ATXN7L2: variants seen among roughly 807,000 people sequenced by gnomAD.
The protein encoded by ATXN7L2 is ataxin 7 like 2, also known as ataxin-7-like protein 2.
Under a neutral mutation model 59.6 loss-of-function variants are expected in ATXN7L2, and 17 were observed. That is an observed-to-expected ratio of 0.29 (90% CI 0.20 to 0.43). ATXN7L2 has a LOEUF of 0.43. ATXN7L2 is among the 20% of genes least tolerant of loss of function. The pLI, the probability that ATXN7L2 is intolerant of heterozygous loss-of-function variation, is 1.00. For missense variants in ATXN7L2, 858 were observed against 1,008.9 expected (o/e 0.85, Z 2.03); for synonymous variants, 378 against 392.5 (o/e 0.96, Z 0.44).
rs1410689873 is a variant in ATXN7L2 at position 109,488,362 on chromosome 1, T to C, written c.797-21T>C. On this transcript the variant is annotated intron_variant, in intron 5 of 10. Coordinates refer to ENST00000683729, the MANE Select transcript of ATXN7L2 (RefSeq NM_001350175.2). This position sits in a 1 kb window ranked among gnomAD's most constrained non-coding sequence, Gnocchi z 5.0. The stretch of plus-strand genomic sequence containing the variant: ...CTCCTGGAAATGGTCTTGAGGTTCA[T>C]TGGAAGTGCTTTCCCCACAGGGAAG... The C allele has an allele frequency of 1.5e-5, 23 of 1,582,378 alleles. No homozygotes were observed. The highest frequency in any genetic ancestry group is 1.9e-5 in the Non-Finnish European group (22 of 1,159,954).
In ATXN7L2 at chr1:109,484,090, G is replaced by A. The variant is rs770128816; in HGVS notation, c.127+10G>A. On this transcript the variant is annotated intron_variant, in intron 1 of 10. Coordinates refer to ENST00000683729, the MANE Select transcript of ATXN7L2 (RefSeq NM_001350175.2). ...CTGCCCGCGGCTGACGGTGAGTAAA[G>A]CCACCCTAAAGTCCGGGGACCCCAT... The A allele has an allele frequency of 6.6e-7, 1 of 1,508,816 alleles. No individual in the cohort carries two copies. Among genetic ancestry groups the A allele is most frequent in the East Asian group, 2.7e-5 (1 of 36,940 alleles). The allele number at this position is 1,508,816 out of a possible 1,614,324, so 93.5% of individuals were successfully genotyped here. A position where few individuals can be genotyped will look rare whatever the true frequency, so the allele number is the denominator to read the frequency against.
At chr1:109,492,196 C>A in intron 10 of ATXN7L2, 1 of 850,182 alleles carries the variant, frequency 1.2e-6, no homozygotes, top group Non-Finnish European at 1.5e-6. Flanking sequence ...CACATGTGCC[C>A]ACCTCCAGGT....
Position 109,488,245 on chromosome 1 carries a change from A to C in ATXN7L2, c.797-138A>C. The C allele has an allele frequency of 1.3e-6, 1 of 797,556 alleles. No homozygotes were observed. The highest frequency in any genetic ancestry group is 2.1e-6 in the Non-Finnish European group (1 of 479,534). The allele number at this position is 797,556 out of a possible 1,614,324, so 49.4% of individuals were successfully genotyped here. A position where few individuals can be genotyped will look rare whatever the true frequency, so the allele number is the denominator to read the frequency against. On this transcript the variant is annotated intron_variant, in intron 5 of 10. Coordinates refer to ENST00000683729, the MANE Select transcript of ATXN7L2 (RefSeq NM_001350175.2). The surrounding 1 kb of genome is among the most constrained non-coding windows in gnomAD (Gnocchi z 5.0). ...TGTTGATGCCCAGAAGTTTATCTGG[A>C]AGGTACAGCCCCAGGCTGAGGGCTG...
Position 109,486,217 on chromosome 1 carries a change from C to T in ATXN7L2, c.193+95C>T. On this transcript the variant is annotated intron_variant, in intron 2 of 10. Coordinates refer to ENST00000683729, the MANE Select transcript of ATXN7L2 (RefSeq NM_001350175.2). The surrounding 1 kb of genome is among the most constrained non-coding windows in gnomAD (Gnocchi z 4.3). ...TACAGAAGGAGGTGGCTGCTTGAAG[C>T]AGCTGTCTGGGGACCCTCATTTTGA... 1 of 1,477,260 alleles carries T rather than the reference C, an allele frequency of 6.8e-7. No individual in the cohort carries two copies. Among genetic ancestry groups the T allele is most frequent in the Admixed American group, 2.6e-5 (1 of 38,938 alleles). The allele number at this position is 1,477,260 out of a possible 1,614,324, so 91.5% of individuals were successfully genotyped here.
At position 109,491,876 on chromosome 1, in the gene ATXN7L2, T is replaced by C; in HGVS notation, c.2250+159T>C. On this transcript the variant is annotated intron_variant, in intron 10 of 10. Transcript: ENST00000683729. The surrounding 1 kb of genome is among the most constrained non-coding windows in gnomAD (Gnocchi z 4.1). The stretch of plus-strand genomic sequence containing the variant: ...CTTTAGGAAGAGGTAGGTCAGTTCT[T>C]AGCAAAGTGACTCCAGCTTTTTGCC... The C allele has an allele frequency of 8.3e-7, 1 of 1,199,186 alleles. No individual in the cohort carries two copies. The highest frequency in any genetic ancestry group is 1.5e-5 in the African/African-American group (1 of 65,258). The allele number at this position is 1,199,186 out of a possible 1,614,324, so 74.3% of individuals were successfully genotyped here.
rs1430031790 is a variant in ATXN7L2 at position 109,488,365 on chromosome 1, G to C, written c.797-18G>C. On this transcript the variant is annotated intron_variant, in intron 5 of 10. Coordinates refer to ENST00000683729, the MANE Select transcript of ATXN7L2 (RefSeq NM_001350175.2). This position sits in a 1 kb window ranked among gnomAD's most constrained non-coding sequence, Gnocchi z 5.0. ...CTGGAAATGGTCTTGAGGTTCATTG[G>C]AAGTGCTTTCCCCACAGGGAAGGAG... is the stretch of plus-strand genomic sequence containing the variant. 1 of 1,585,976 alleles carries C rather than the reference G, an allele frequency of 6.3e-7. No homozygotes were observed. The highest frequency in any genetic ancestry group is 1.7e-5 in the Admixed American group (1 of 57,512).
intron 4 of ATXN7L2, 115 bp from the exon 5 acceptor site, chr1:109,487,403 G>A (rs1244156049): frequency 2.4e-6 from 3 of 1,251,702 alleles, no homozygotes; most frequent in Non-Finnish European, 3.2e-6. Context: ...TCACACCCCT[G>A]CTGGAGCCCA....
rs1460104639 is a variant in ATXN7L2 at position 109,487,573 on chromosome 1, G to A, written c.565G>A (p.Gly189Arg). Reference sequence around the variant, plus strand: ...GATGTCCAGTCTCCCGAAGCCTGATGGACATGGAATCAGGGTGGCCCCACC... The same window carrying A: ...GATGTCCAGTCTCCCGAAGCCTGATAGACATGGAATCAGGGTGGCCCCACC... ...EKMSSLPKPD[G>R]HGIRVAPPSA... Residue 189 changes from glycine to arginine, a missense_variant, in exon 5 of 11, where the codon GGA (glycine) becomes AGA (arginine). Coordinates refer to ENST00000683729, the MANE Select transcript of ATXN7L2 (RefSeq NM_001350175.2). 1.3e-6 allele frequency: 2 copies of A among 1,532,340 alleles called. No homozygotes were observed. The highest frequency in any genetic ancestry group is 1.8e-6 in the Non-Finnish European group (2 of 1,141,386). 94.9% of individuals were successfully genotyped at this position (1,532,340 alleles called of 1,614,324 possible). A position where few individuals can be genotyped will look rare whatever the true frequency, so the allele number is the denominator to read the frequency against.
Position 109,486,330 on chromosome 1 carries a change from T to A in ATXN7L2, c.194-176T>A. On this transcript the variant is annotated intron_variant, in intron 2 of 10. Transcript: ENST00000683729. This position sits in a 1 kb window ranked among gnomAD's most constrained non-coding sequence, Gnocchi z 4.3. Reference sequence around the variant, plus strand: ...GTGATTGCCCACTCACCTGAAAGCGTATACCCTTTGGGACTGCTTAGATCG... The same window carrying A: ...GTGATTGCCCACTCACCTGAAAGCGAATACCCTTTGGGACTGCTTAGATCG... The A allele has an allele frequency of 1.0e-6, 1 of 964,886 alleles. No individual in the cohort carries two copies. The highest frequency in any genetic ancestry group is 1.5e-6 in the Non-Finnish European group (1 of 666,166). The allele number at this position is 964,886 out of a possible 1,614,324, so 59.8% of individuals were successfully genotyped here.
rs115762613 is a variant in ATXN7L2, at chr1:109,484,281, G to T, written c.127+201G>T. 3.5e-3 allele frequency among the ~76,000 whole-genome samples: 529 copies of T among 152,002 alleles called. 2 individuals are homozygous for T. The highest frequency in any genetic ancestry group is 0.012 in the African/African-American group (511 of 41,450). On this transcript the variant is annotated intron_variant, in intron 1 of 10. Transcript: ENST00000683729. The stretch of plus-strand genomic sequence containing the variant: ...GGGTCCTAGCGCCTGCTCACCGCTC[G>T]CAGCCCACCCTGCCAACCTCTGCCT...
At position 109,492,706 on chromosome 1, in the gene ATXN7L2, A is replaced by G; in HGVS notation, c.*106A>G. The G allele has an allele frequency of 3.0e-6, 4 of 1,351,506 alleles. No homozygotes were observed. Among genetic ancestry groups the G allele is most frequent in the Non-Finnish European group, 4.1e-6 (4 of 980,154 alleles). The allele number at this position is 1,351,506 out of a possible 1,614,324, so 83.7% of individuals were successfully genotyped here. On this transcript the variant is annotated 3_prime_UTR_variant, in exon 11 of 11. Transcript: ENST00000683729. ...TTATAACTTTATATTATTTTTTTTT[A>G]AGAAAAAAAGCTCTTTAAAATACCT...
rs1457336321 is a variant in ATXN7L2, at chr1:109,491,928, C to G, written c.2250+211C>G. 1 of 1,238,432 alleles carries G rather than the reference C, an allele frequency of 8.1e-7. No individual in the cohort carries two copies. The highest frequency in any genetic ancestry group is 2.6e-5 in the East Asian group (1 of 37,826). 76.7% of individuals were successfully genotyped at this position (1,238,432 alleles called of 1,614,324 possible). On this transcript the variant is annotated intron_variant, in intron 10 of 10. Coordinates refer to ENST00000683729, the MANE Select transcript of ATXN7L2 (RefSeq NM_001350175.2). The surrounding 1 kb of genome is among the most constrained non-coding windows in gnomAD (Gnocchi z 4.1). ...GGTGAACCTTCCCCTATCCCTAACC[C>G]TTTCCCTTGGGCTGAGGAGATGCGG...
Position 109,491,840 on chromosome 1 carries a change from T to C in ATXN7L2, c.2250+123T>C. 3 of 1,301,102 alleles carry C rather than the reference T, an allele frequency of 2.3e-6. No homozygotes were observed. Among genetic ancestry groups the C allele is most frequent in the South Asian group, 3.2e-5 (2 of 63,212 alleles). The allele number at this position is 1,301,102 out of a possible 1,614,324, so 80.6% of individuals were successfully genotyped here. A position where few individuals can be genotyped will look rare whatever the true frequency, so the allele number is the denominator to read the frequency against. On this transcript the variant is annotated intron_variant, in intron 10 of 10. Transcript: ENST00000683729. The surrounding 1 kb of genome is among the most constrained non-coding windows in gnomAD (Gnocchi z 4.1). ...AGGAAGGGGAAGTTGAGAGAGTTCC[T>C]GGACTGTTTTCTTTAGGAAGAGGTA...
In ATXN7L2 at chr1:109,488,487, G is replaced by C; in HGVS notation, c.879+22G>C. The C allele has an allele frequency of 1.9e-6, 3 of 1,590,464 alleles. No homozygotes were observed. Among genetic ancestry groups the C allele is most frequent in the Non-Finnish European group, 2.6e-6 (3 of 1,161,888 alleles). On this transcript the variant is annotated intron_variant, in intron 6 of 10. Coordinates refer to ENST00000683729, the MANE Select transcript of ATXN7L2 (RefSeq NM_001350175.2). This position sits in a 1 kb window ranked among gnomAD's most constrained non-coding sequence, Gnocchi z 5.0. ...CAAGGTAACCCCCTTCCCACTGCACGGTGAGGGAGGACAGCACAGGGCTTG... is the reference window on the plus strand; with the variant it reads ...CAAGGTAACCCCCTTCCCACTGCACCGTGAGGGAGGACAGCACAGGGCTTG...
At chr1:109,484,132 C>G (rs1322425604) in intron 1 of ATXN7L2, 52 bp downstream of exon 1, 3 of 1,368,396 alleles carry the variant, frequency 2.2e-6, no homozygotes, top group Middle Eastern at 4.3e-4. Flanking sequence ...CTCCCCTCCC[C>G]CCTTCCGGGC....
rs1480591817 is a variant in ATXN7L2 at position 109,490,996 on chromosome 1, C to T, written c.1529C>T (p.Ser510Phe). The change falls in exon 10 of 11, where the codon TCT becomes TTT. Residue 510 changes from serine to phenylalanine, a missense_variant. Physicochemically the swap from Ser to Phe is radical, Grantham distance 155. Around this residue, in one of 3 missense-constraint regions of ATXN7L2, gnomAD observed 734 missense variants for 862.3 expected, o/e 0.85. Coordinates refer to ENST00000683729, the MANE Select transcript of ATXN7L2 (RefSeq NM_001350175.2). ...TTATCTGCTCCCCTGAGCCCATCCT[C>T]TACAGGCACCTGCCCCCGCCTTCCA... is the stretch of plus-strand genomic sequence containing the variant. The part of the protein sequence containing the change: ...SPLSAPLSPS[S>F]TGTCPRLPGP... 1 of 1,613,014 alleles carries T rather than the reference C, an allele frequency of 6.2e-7. No individual in the cohort carries two copies. The highest frequency in any genetic ancestry group is 1.3e-5 in the African/African-American group (1 of 74,934).
At chr1:109,492,101 C>G (rs923686420) in intron 10 of ATXN7L2, 2 of 1,066,310 alleles carry the variant, frequency 1.9e-6, no homozygotes, top group African/African-American at 3.3e-5. Context: ...TGCCGAGCAG[C>G]AAGGTGGGTG....
Position 109,491,580 on chromosome 1 carries a change from A to C in ATXN7L2, c.2113A>C (p.Lys705Gln). The change falls in exon 10 of 11, where the codon AAA becomes CAA. Residue 705 changes from lysine to glutamine, a missense_variant. This residue lies in a region of ATXN7L2 where 734 missense variants were observed against 862.3 expected (regional missense o/e 0.85). Coordinates refer to ENST00000683729, the MANE Select transcript of ATXN7L2 (RefSeq NM_001350175.2). The surrounding 1 kb of genome is among the most constrained non-coding windows in gnomAD (Gnocchi z 4.1). Reference sequence around the variant, plus strand: ...TGAGGAGGAGGTGGCCAAGAAGCGGAAAAACCTGGCCACTTATTGCCGGCC... The same window carrying C: ...TGAGGAGGAGGTGGCCAAGAAGCGGCAAAACCTGGCCACTTATTGCCGGCC... ...LSEEEVAKKR[K>Q]NLATYCRPVK... The C allele has an allele frequency of 6.2e-7, 1 of 1,613,954 alleles. No homozygotes were observed. Among genetic ancestry groups the C allele is most frequent in the East Asian group, 2.2e-5 (1 of 44,884 alleles).
intron 1 of ATXN7L2, 191 bp from the exon 2 acceptor site, chr1:109,485,866 C>T: frequency 1.6e-6 from 2 of 1,236,338 alleles, no homozygotes; most frequent in Non-Finnish European, 1.0e-6. Context: ...AAAGGTTCCC[C>T]AAGTGGTCCT....
Sources: allele counts gnomAD v4.1 joint callset (sites outside exome capture counted in the v4.1 genomes callset), GRCh38; gene constraint gnomAD v4.1.1; regional missense constraint gnomAD v4.1.1; non-coding constraint Gnocchi (gnomAD v3.1); transcripts MANE v1.5; gene names NCBI Gene and HGNC (gene_info 2026-07-23, HGNC 2026-07-21).